The following PTPRB variants were observed in gnomAD, a reference collection of about 807,000 sequenced individuals.
The protein encoded by PTPRB is receptor-type tyrosine-protein phosphatase beta.
Under a neutral mutation model 238.1 loss-of-function variants are expected in PTPRB, and 97 were observed. The ratio of observed to expected loss-of-function variants is 0.41; its 90% CI spans 0.35 to 0.48. PTPRB has a LOEUF of 0.48. Ranked by LOEUF, PTPRB falls within the 20% of genes least tolerant of loss-of-function variation. The pLI is 0.30. For missense variants in PTPRB, 2,292 were observed against 2,681.9 expected (o/e 0.85, Z 3.21); for synonymous variants, 970 against 995.4 (o/e 0.97, Z 0.48).
In PTPRB at chr12:70,521,395, G is replaced by GAA. The variant is rs897934956; in HGVS notation, c.*92_*93dup. The GAA allele has an allele frequency of 2.3e-5, 20 of 888,226 alleles. No individual in the cohort carries two copies. The African/African-American group carries it at 3.5e-4, about 15-fold the overall frequency. The allele number at this position is 888,226 out of a possible 1,614,324, so 55.0% of individuals were successfully genotyped here. On this transcript the variant is annotated 3_prime_UTR_variant, in exon 34 of 34. Transcript: ENST00000334414. ...TAATAAATTATACATAGTATCAACA[G>GAA]AAATAGCTGGCACCTCTGTAGGGCA...
chr12:70,523,187 G>T (rs1871870218), intron 33 of PTPRB, among the ~76,000 whole-genome samples: 2 of 151,322 alleles, frequency 1.3e-5, no homozygotes, highest in East Asian at 3.9e-4. Context: ...ATACAATCTT[G>T]CTCTATCACC....
rs1877102267 is a variant in PTPRB at position 70,552,862 on chromosome 12, C to T, written c.5302G>A (p.Ala1768Thr). ...TTTCCACCTAGGCTCTCCATCTCTG[C>T]TCCAAGCTTAATGTTAAAACTCTTG... Reference protein sequence around the residue: ...NSKSFNIKLGAEMESLGGKCD... With the variant: ...NSKSFNIKLGTEMESLGGKCD... The change falls in exon 21 of 34, where the codon GCA becomes ACA. Residue 1768 changes from alanine to threonine, a missense_variant. By Grantham distance (58) the Ala-to-Thr change is moderately conservative (BLOSUM62 0). Coordinates refer to ENST00000334414, the MANE Select transcript of PTPRB (RefSeq NM_001109754.4). 1.2e-6 allele frequency: 2 copies of T among 1,613,854 alleles called. No homozygotes were observed. Among genetic ancestry groups the T allele is most frequent in the African/African-American group, 1.3e-5 (1 of 74,922 alleles).
In PTPRB at chr12:70,540,826, G is replaced by A. The variant is rs143859644; in HGVS notation, c.5594+32C>T. On this transcript the variant is annotated intron_variant, in intron 23 of 33. Transcript: ENST00000334414. ...TTTCAGTTGCATTTTTAAAGTTGTG[G>A]GTCCAATCACCAAAAGGATCTTTGT... is the stretch of plus-strand genomic sequence containing the variant. 9.9e-3 allele frequency: 14,707 copies of A among 1,490,658 alleles called. 89 individuals are homozygous for A. Among genetic ancestry groups the A allele is most frequent in the Middle Eastern group, 0.015 (86 of 5,834 alleles). 92.3% of individuals were successfully genotyped at this position (1,490,658 alleles called of 1,614,324 possible).
At chr12:70,534,705 A>C in intron 30 of PTPRB, 54 bp from the exon 31 acceptor site, 1 of 1,602,314 alleles carries the variant, frequency 6.2e-7, no homozygotes, top group Non-Finnish European at 8.5e-7. Flanking sequence ...AAACCTTCAA[A>C]CTTGACAGCT....
chr12:70,560,857 A>G lies in PTPRB; in HGVS notation c.4246T>C (p.Ser1416Pro). 1 of 1,613,914 alleles carries G rather than the reference A, an allele frequency of 6.2e-7. No homozygotes were observed. Among genetic ancestry groups the G allele is most frequent in the Non-Finnish European group, 8.5e-7 (1 of 1,179,824 alleles). Residue 1416 changes from serine (S) to proline (P), a missense_variant, in exon 17 of 34, where the codon TCT becomes CCT. By Grantham distance (74) the Ser-to-Pro change is moderately conservative (BLOSUM62 -1). Transcript: ENST00000334414. The surrounding 1 kb of genome is among the most constrained non-coding windows in gnomAD (Gnocchi z 4.2). The stretch of plus-strand genomic sequence containing the variant: ...AGCTCATAAAAGTCAAAGTCCCCAG[A>G]GGCTGGACTCCAGTTGAACCAAAGG... ...DSLWFNWSPA[S>P]GDFDFYELIL... is the part of the protein sequence containing the mutation.
At chr12:70,550,396 C>T (rs1350394159) in intron 21 of PTPRB, among the ~76,000 whole-genome samples, 2 of 152,028 alleles carry the variant, frequency 1.3e-5, no homozygotes, top group African/African-American at 2.4e-5. Context: ...GTGAGGCAGG[C>T]GGGAGAAAGC....
In PTPRB at chr12:70,556,040, C is replaced by T. The variant is rs199536432; in HGVS notation, c.4823G>A (p.Arg1608Gln). ...CTCAACTTCTTGGGTGTCCATTTTC[C>T]GGCATTCAATACTATAACCATCAAA... ...SDFDGYSIEC[R>Q]KMDTQEVEFS... is the part of the protein sequence containing the mutation. Residue 1608 changes from arginine to glutamine, a missense_variant, in exon 19 of 34, where the codon CGG becomes CAG. Coordinates refer to ENST00000334414, the MANE Select transcript of PTPRB (RefSeq NM_001109754.4). 3.1e-4 allele frequency: 495 copies of T among 1,613,760 alleles called. 1 individual carries two copies. The highest frequency in any genetic ancestry group is 7.6e-4 in the East Asian group (34 of 44,884).
rs555637458 is a variant in PTPRB, at chr12:70,594,787, A to G, written c.1259-63T>C. 9.0e-6 allele frequency: 14 copies of G among 1,557,016 alleles called. No individual in the cohort carries two copies. In the African/African-American group the frequency reaches 1.4e-4, roughly 15 times the overall value. ...ATTCCCTTATAGGAGACATAGACAC[A>G]TTTAATTAGAAGTCACATATTCATT... On this transcript the variant is annotated intron_variant, in intron 5 of 33. Transcript: ENST00000334414.
At chr12:70,622,753 G>A in intron 2 of PTPRB, 107 bp from the exon 3 acceptor site, 2 of 1,288,324 alleles carry the variant, frequency 1.6e-6, no homozygotes, top group East Asian at 2.5e-5. Context: ...TAATGGGCAT[G>A]TGGATAAGCT....
At chr12:70,588,115 AAAAG>A (rs1882125656) in intron 8 of PTPRB, among the ~76,000 whole-genome samples, 3 of 145,046 alleles carry the variant, frequency 2.1e-5, no homozygotes, top group African/African-American at 5.2e-5. Context: ...AAAAAAAAAG[AAAAG>A]AAAAGAAAAG....
At chr12:70,594,394 A>G (rs1411337796) in intron 6 of PTPRB, 73 bp downstream of exon 6, 1 of 1,552,706 alleles carries the variant, frequency 6.4e-7, no homozygotes, top group African/African-American at 1.4e-5. Flanking sequence ...AGTTATTCAT[A>G]TAATAAACTT....
At chr12:70,524,855 GTA>G (rs374457577) in intron 32 of PTPRB, among the ~76,000 whole-genome samples, 1 of 134,122 alleles carries the variant, frequency 7.5e-6, no homozygotes, top group Non-Finnish European at 1.5e-5. Context: ...ATATATGTGT[GTA>G]TATGTGTGTA....
chr12:70,600,307 G>GACTC (rs1233997826), intron 4 of PTPRB, among the ~76,000 whole-genome samples: 1 of 152,140 alleles, frequency 6.6e-6, no homozygotes. Flanking sequence ...GACATTAAAT[G>GACTC]ACTCACTCGT....
At chr12:70,576,669 C>A (rs11178304) in intron 10 of PTPRB, 24 bp from the exon 11 acceptor site, 7 of 113,452 alleles carry the variant, frequency 6.2e-5, no homozygotes, top group African/African-American at 9.7e-5. Flanking sequence ...AGGTGGGGGG[C>A]GGGGGGGGGG....
intron 21 of PTPRB, among the ~76,000 whole-genome samples, chr12:70,545,888 G>A (rs1165208806): frequency 1.3e-5 from 2 of 152,192 alleles, no homozygotes; most frequent in Admixed American, 1.3e-4. Context: ...TGTAATCCCA[G>A]CACTTTGGGA....
intron 14 of PTPRB, among the ~76,000 whole-genome samples, chr12:70,568,449 C>T (rs1383286759): frequency 6.6e-6 from 1 of 152,064 alleles, no homozygotes; most frequent in Non-Finnish European, 1.5e-5. Flanking sequence ...AGGCGTCTGC[C>T]ATCACACCCA....
intron 3 of PTPRB, among the ~76,000 whole-genome samples, chr12:70,620,951 C>T (rs892029373): frequency 6.6e-5 from 10 of 152,100 alleles, no homozygotes; most frequent in South Asian, 2.1e-4. Context: ...TGCCACTATG[C>T]GATCTATGCA....
chr12:70,604,256 AT>A (rs1356356093), intron 4 of PTPRB, among the ~76,000 whole-genome samples: 1 of 152,230 alleles, frequency 6.6e-6, no homozygotes, highest in Non-Finnish European at 1.5e-5. Context: ...AATTAAAAAA[AT>A]AAAATAAAAT....
chr12:70,555,352 C>T, intron 19 of PTPRB, 43 bp from the exon 20 acceptor site: 1 of 1,563,924 alleles, frequency 6.4e-7, no homozygotes, highest in Non-Finnish European at 8.7e-7. Flanking sequence ...GGTCACAACT[C>T]TGCTTTCACA....
Sources: gnomAD v4.1 joint callset for allele counts (sites outside exome capture counted in the v4.1 genomes callset) on GRCh38, gnomAD v4.1.1 for gene constraint, Gnocchi (gnomAD v3.1) non-coding constraint, MANE v1.5 for transcripts, NCBI Gene and HGNC (gene_info 2026-07-23, HGNC 2026-07-21) for gene names.